NFASC: variants seen among roughly 807,000 people sequenced by gnomAD.
NFASC encodes the protein neurofascin homolog.
Under a neutral mutation model 147.5 loss-of-function variants are expected in NFASC, and 43 were observed. The observed-to-expected ratio is 0.29, with a 90% CI of 0.23 to 0.38. The LOEUF (loss-of-function observed/expected upper bound fraction) is 0.38, where lower values mean the gene tolerates loss of function less well. NFASC is among the 10% of genes least tolerant of loss of function. NFASC has a pLI of 1.00. For missense variants in NFASC, 1,320 were observed against 1,689.0 expected, an observed-to-expected ratio of 0.78 and a Z score of 3.83; for synonymous variants, 622 against 665.5, an observed-to-expected ratio of 0.93 and a Z score of 1.01.
At chr1:205,007,244 C>A (rs185721777) in intron 27 of NFASC, among the ~76,000 whole-genome samples, 7,173 of 151,644 alleles carry the variant, frequency 0.047, 345 homozygotes, top group African/African-American at 0.12. Flanking sequence ...ATTAAAAAAA[C>A]AATTAGCTAG....
chr1:204,834,161 C>A (rs1295069642), intron 1 of NFASC, among the ~76,000 whole-genome samples: 1 of 151,878 alleles, frequency 6.6e-6, no homozygotes, highest in Non-Finnish European at 1.5e-5. Flanking sequence ...GCCTATTCTC[C>A]CCCACCCTCC....
intron 2 of NFASC, among the ~76,000 whole-genome samples, chr1:204,926,624 G>A (rs1012605113): frequency 6.7e-6 from 1 of 150,308 alleles, no homozygotes; most frequent in African/African-American, 2.4e-5. Context: ...ATGTTGCCCA[G>A]GCTGGTCTTG....
intron 16 of NFASC, 68 bp downstream of exon 16, chr1:204,976,863 G>GC: frequency 7.6e-6 from 12 of 1,571,998 alleles, no homozygotes; most frequent in Non-Finnish European, 1.0e-5. Flanking sequence ...AGAAGCAGTG[G>GC]CCCGGGGCAG....
At chr1:204,941,786 TA>T (rs2093378163) in intron 2 of NFASC, among the ~76,000 whole-genome samples, 1 of 152,182 alleles carries the variant, frequency 6.6e-6, no homozygotes, top group African/African-American at 2.4e-5. Context: ...TCTACTCTCT[TA>T]ACCCTCTTTC....
chr1:204,955,758 C>G (rs557630835), intron 7 of NFASC, among the ~76,000 whole-genome samples: 48 of 152,264 alleles, frequency 3.2e-4, no homozygotes, highest in Middle Eastern at 3.4e-3. Flanking sequence ...TCCTCTCCCC[C>G]TCCTTCCATC....
At chr1:204,915,996 G>A (rs1476169314) in intron 1 of NFASC, among the ~76,000 whole-genome samples, 2 of 152,206 alleles carry the variant, frequency 1.3e-5, no homozygotes, top group South Asian at 2.1e-4. Flanking sequence ...TCATCAGTCC[G>A]ACATGCTGCG....
chr1:204,932,309 T>C (rs752130548), intron 2 of NFASC, among the ~76,000 whole-genome samples: 5 of 152,176 alleles, frequency 3.3e-5, no homozygotes, highest in Non-Finnish European at 7.3e-5. Context: ...GCAGTAATAT[T>C]TATTTCCATT....
chr1:204,828,771 G>C lies in NFASC; in HGVS notation c.-211G>C, dbSNP rs968946099. Reference sequence around the variant, plus strand: ...CGGACAGCGCCCAGGGCCGGAGCCCGAGCCCTTGGAGGTAGGCGAGCGCGA... The same window carrying C: ...CGGACAGCGCCCAGGGCCGGAGCCCCAGCCCTTGGAGGTAGGCGAGCGCGA... On this transcript the variant is annotated 5_prime_UTR_variant, in exon 1 of 30. Coordinates refer to ENST00000339876, the MANE Select transcript of NFASC (RefSeq NM_001005388.3). 3 of 985,302 alleles carry C rather than the reference G, an allele frequency of 3.0e-6. No individual in the cohort carries two copies. Among genetic ancestry groups the C allele is most frequent in the Admixed American group, 6.1e-5 (1 of 16,266 alleles). 61.0% of individuals were successfully genotyped at this position (985,302 alleles called of 1,614,324 possible).
At chr1:204,966,795 G>A (rs1183559790) in intron 8 of NFASC, among the ~76,000 whole-genome samples, 1 of 152,108 alleles carries the variant, frequency 6.6e-6, no homozygotes, top group Admixed American at 6.5e-5. Context: ...TGTATGCCGT[G>A]TATTGTATCA....
chr1:204,870,122 G>A (rs779531188), intron 1 of NFASC, among the ~76,000 whole-genome samples: 11 of 152,214 alleles, frequency 7.2e-5, no homozygotes, highest in Non-Finnish European at 1.5e-4. Context: ...CCATCTCAGA[G>A]GAAGCAGGAC....
At chr1:205,005,027 T>C (rs1031630787) in intron 27 of NFASC, among the ~76,000 whole-genome samples, 2 of 151,864 alleles carry the variant, frequency 1.3e-5, no homozygotes, top group Admixed American at 1.3e-4. Context: ...AAGCTTAGAG[T>C]GGGCCAGCAG....
intron 1 of NFASC, among the ~76,000 whole-genome samples, chr1:204,915,522 G>A (rs1255769246): frequency 1.3e-5 from 2 of 152,140 alleles, no homozygotes; most frequent in Non-Finnish European, 2.9e-5. Flanking sequence ...GAAGCTGTGC[G>A]ACAGGTTTGA....
chr1:205,003,522 TGA>T, intron 27 of NFASC, among the ~76,000 whole-genome samples: 1 of 152,196 alleles, frequency 6.6e-6, no homozygotes, highest in South Asian at 2.1e-4. Context: ...CTCCCTGGTC[TGA>T]GTGAGTGTAG....
intron 1 of NFASC, among the ~76,000 whole-genome samples, chr1:204,859,448 A>G (rs888032859): frequency 1.3e-5 from 2 of 152,166 alleles, no homozygotes; most frequent in South Asian, 2.1e-4. Flanking sequence ...CATATGGCCA[A>G]CCAGAAAGTC....
intron 1 of NFASC, among the ~76,000 whole-genome samples, chr1:204,877,016 ATATATATATATAATATATATT>A (rs2078991908): frequency 9.1e-6 from 1 of 109,694 alleles, no homozygotes; most frequent in African/African-American, 4.2e-5. Flanking sequence ...ATATATATAT[ATATATATATATAATATATATT>A]TATATATATA....
At chr1:204,886,006 C>T (rs1219398260) in intron 1 of NFASC, among the ~76,000 whole-genome samples, 2 of 152,188 alleles carry the variant, frequency 1.3e-5, no homozygotes, top group South Asian at 2.1e-4. Context: ...AAATCGCTTT[C>T]GAGGCTGCAG....
chr1:204,870,504 A>C (rs1249606600), intron 1 of NFASC: 2 of 199,340 alleles, frequency 1.0e-5, no homozygotes, highest in African/African-American at 4.7e-5. Context: ...CCTACAAAAC[A>C]TGACGTCTCT....
chr1:204,869,294 C>T (rs887868871), intron 1 of NFASC, among the ~76,000 whole-genome samples: 2 of 152,092 alleles, frequency 1.3e-5, no homozygotes, highest in African/African-American at 2.4e-5. Flanking sequence ...CTGCCCTGGG[C>T]GCCATACCAC....
chr1:204,910,709 T>C (rs527445767), intron 1 of NFASC, among the ~76,000 whole-genome samples: 2 of 152,152 alleles, frequency 1.3e-5, no homozygotes, highest in South Asian at 4.2e-4. Flanking sequence ...TGCTATGTTA[T>C]CCAGGCTGGT....
Sources: gnomAD v4.1 joint callset for allele counts (sites outside exome capture counted in the v4.1 genomes callset) on GRCh38, gnomAD v4.1.1 for gene constraint, MANE v1.5 for transcripts, NCBI Gene and HGNC (gene_info 2026-07-23, HGNC 2026-07-21) for gene names.